Variants in PCSK2 observed in about 807,000 individuals in gnomAD.
The protein encoded by PCSK2 is neuroendocrine convertase 2.
In PCSK2, 14 loss-of-function variants were observed where a neutral mutation model predicts 69.7. The ratio of observed to expected loss-of-function variants is 0.20; its 90% CI spans 0.13 to 0.31. The LOEUF is 0.31. PCSK2 is among the 10% of genes least tolerant of loss of function. The pLI is 1.00. For synonymous variants in PCSK2, 307 were observed against 320.7 expected (o/e 0.96, Z 0.46); for missense variants, 544 against 842.5 (o/e 0.65, Z 4.39).
chr20:17,368,877 G>T (rs2030676859), intron 4 of PCSK2, among the ~76,000 whole-genome samples: 3 of 152,214 alleles, frequency 2.0e-5, no homozygotes, highest in African/African-American at 7.2e-5. Flanking sequence ...TCCATGCCCT[G>T]TTAAATAATA....
At chr20:17,306,918 T>C (rs1177443192) in intron 2 of PCSK2, among the ~76,000 whole-genome samples, 1 of 152,238 alleles carries the variant, frequency 6.6e-6, no homozygotes, top group African/African-American at 2.4e-5. Flanking sequence ...AATCTAAATG[T>C]CATGCATCTC....
chr20:17,355,764 T>A (rs1246170840), intron 2 of PCSK2, among the ~76,000 whole-genome samples: 1 of 152,076 alleles, frequency 6.6e-6, no homozygotes, highest in Non-Finnish European at 1.5e-5. Flanking sequence ...CTCTGAAATC[T>A]GTCACTGTGC....
At chr20:17,397,872 T>G (rs1265325071) in intron 5 of PCSK2, among the ~76,000 whole-genome samples, 2 of 152,160 alleles carry the variant, frequency 1.3e-5, no homozygotes, top group Non-Finnish European at 2.9e-5. Flanking sequence ...ACCAAAGAAA[T>G]CCATTGTGAC....
chr20:17,299,291 C>T (rs974610359), intron 2 of PCSK2, among the ~76,000 whole-genome samples: 1 of 152,062 alleles, frequency 6.6e-6, no homozygotes, highest in Non-Finnish European at 1.5e-5. Context: ...TCATCCTTTC[C>T]TCTCTAATAT....
In PCSK2 at chr20:17,409,268, C is replaced by T. The variant is rs770667971; in HGVS notation, c.549C>T (p.Ala183=). Residue 183 remains alanine, a synonymous_variant, in exon 6 of 12, where the codon GCC becomes GCT. Coordinates refer to ENST00000262545, the MANE Select transcript of PCSK2 (RefSeq NM_002594.5). ...LHPDLASNYN[A]EASYDFSSND... is the part of the protein sequence containing the mutation. ...AGATGCCTTGTGTTTTTCAGAATGC[C>T]GAAGCAAGTTACGACTTCAGCAGCA... 1.2e-6 allele frequency: 2 copies of T among 1,613,320 alleles called. No individual in the cohort carries two copies. The highest frequency in any genetic ancestry group is 2.2e-5 in the East Asian group (1 of 44,862).
At chr20:17,311,681 T>C (rs1989515981) in intron 2 of PCSK2, among the ~76,000 whole-genome samples, 1 of 152,202 alleles carries the variant, frequency 6.6e-6, no homozygotes, top group African/African-American at 2.4e-5. Flanking sequence ...ACCTACATCT[T>C]GTGATCCTAG....
chr20:17,235,680 G>T (rs576162820), intron 1 of PCSK2, among the ~76,000 whole-genome samples: 31 of 152,272 alleles, frequency 2.0e-4, no homozygotes, highest in African/African-American at 7.5e-4. Flanking sequence ...TAAACACAGT[G>T]TCTGGCAAAA....
At chr20:17,446,172 AG>A (rs1223343063) in intron 8 of PCSK2, among the ~76,000 whole-genome samples, 1 of 152,234 alleles carries the variant, frequency 6.6e-6, no homozygotes, top group East Asian at 1.9e-4. Context: ...GGATCCTTTG[AG>A]CAGTGAGACA....
intron 2 of PCSK2, among the ~76,000 whole-genome samples, chr20:17,303,457 A>ATATATTATATATATTATATTT (rs1568593351): frequency 1.7e-5 from 1 of 60,020 alleles, no homozygotes. Context: ...ATATTATATT[A>ATATATTATATATATTATATTT]AATATAATAT....
intron 11 of PCSK2, among the ~76,000 whole-genome samples, chr20:17,470,654 T>C (rs2033183701): frequency 6.6e-6 from 1 of 152,166 alleles, no homozygotes; most frequent in African/African-American, 2.4e-5. Context: ...TATTCCACTA[T>C]CTCATTTAAT....
intron 2 of PCSK2, among the ~76,000 whole-genome samples, chr20:17,306,272 G>T (rs1187493070): frequency 6.6e-6 from 1 of 151,908 alleles, no homozygotes; most frequent in Non-Finnish European, 1.5e-5. Context: ...TTGGCATTTT[G>T]ATTTGTTTTC....
intron 1 of PCSK2, among the ~76,000 whole-genome samples, chr20:17,228,679 A>C (rs1283810494): frequency 6.6e-6 from 1 of 152,134 alleles, no homozygotes; most frequent in Non-Finnish European, 1.5e-5. Flanking sequence ...AGCTCTTATT[A>C]GTCTCTTCTG....
At chr20:17,419,938 A>G (rs1260499714) in intron 6 of PCSK2, among the ~76,000 whole-genome samples, 3 of 152,208 alleles carry the variant, frequency 2.0e-5, no homozygotes, top group South Asian at 2.1e-4. Context: ...ATTCTAGGTT[A>G]GATGCAATTC....
At chr20:17,404,670 G>A (rs567396945) in intron 5 of PCSK2, among the ~76,000 whole-genome samples, 2 of 152,316 alleles carry the variant, frequency 1.3e-5, no homozygotes, top group South Asian at 2.1e-4. Flanking sequence ...AGGAGAGAAC[G>A]AGGTATGGGG....
intron 2 of PCSK2, among the ~76,000 whole-genome samples, chr20:17,295,098 A>G (rs973450014): frequency 6.6e-6 from 1 of 152,114 alleles, no homozygotes; most frequent in African/African-American, 2.4e-5. Context: ...TCTCATAGCA[A>G]ATTGTTCATA....
At chr20:17,450,321 C>A (rs2032799397) in intron 8 of PCSK2, among the ~76,000 whole-genome samples, 2 of 152,136 alleles carry the variant, frequency 1.3e-5, no homozygotes, top group Non-Finnish European at 2.9e-5. Context: ...AGACACCGCG[C>A]CCGGCTCTTC....
intron 2 of PCSK2, among the ~76,000 whole-genome samples, chr20:17,278,879 A>G (rs922973243): frequency 3.3e-5 from 5 of 150,224 alleles, no homozygotes; most frequent in Admixed American, 1.3e-4. Flanking sequence ...TCACTTTCCT[A>G]TCTCCTTATG....
intron 8 of PCSK2, among the ~76,000 whole-genome samples, chr20:17,446,346 C>A (rs2032698940): frequency 6.6e-6 from 1 of 152,140 alleles, no homozygotes; most frequent in Non-Finnish European, 1.5e-5. Flanking sequence ...AACCTGATAC[C>A]CTACTCCCGC....
intron 2 of PCSK2, among the ~76,000 whole-genome samples, chr20:17,327,679 C>T (rs1309656029): frequency 6.6e-6 from 1 of 152,192 alleles, no homozygotes; most frequent in Non-Finnish European, 1.5e-5. Context: ...GCTGTGTCTC[C>T]GCCAGTGCCA....
Sources: gnomAD v4.1 joint callset for allele counts (sites outside exome capture counted in the v4.1 genomes callset) on GRCh38, gnomAD v4.1.1 for gene constraint, MANE v1.5 for transcripts, NCBI Gene and HGNC (gene_info 2026-07-23, HGNC 2026-07-21) for gene names.